Variants in SNTG1 observed in about 807,000 individuals in gnomAD.
SNTG1 encodes the protein syntrophin gamma 1.
Under a neutral mutation model 74.7 loss-of-function variants are expected in SNTG1, and 39 were observed. The ratio of observed to expected loss-of-function variants is 0.52; its 90% CI spans 0.40 to 0.68. The LOEUF (loss-of-function observed/expected upper bound fraction) is 0.68. Among genes scored for constraint, SNTG1 ranks in the 30% least tolerant of loss-of-function variants. The pLI, the probability that SNTG1 is intolerant of heterozygous loss-of-function variation, is 0.00. For missense variants in SNTG1, 685 were observed against 609.5 expected (o/e 1.12, Z -1.30); for synonymous variants, 254 against 217.1 (o/e 1.17, Z -1.49).
At chr8:50,783,214 G>A (rs1488821285) in intron 18 of SNTG1, among the ~76,000 whole-genome samples, 1 of 152,200 alleles carries the variant, frequency 6.6e-6, no homozygotes, top group Non-Finnish European at 1.5e-5. Context: ...GAGAACCACT[G>A]CTCTCTTCAA....
At chr8:50,729,375 G>C (rs1391577185) in intron 17 of SNTG1, among the ~76,000 whole-genome samples, 1 of 152,174 alleles carries the variant, frequency 6.6e-6, no homozygotes, top group Non-Finnish European at 1.5e-5. Context: ...AAGCAGATTT[G>C]CTGGAGATGG....
chr8:50,070,735 G>C (rs1365922250), intron 1 of SNTG1, among the ~76,000 whole-genome samples: 1 of 152,184 alleles, frequency 6.6e-6, no homozygotes, highest in African/African-American at 2.4e-5. Context: ...GAAAGTGAGT[G>C]GTTTAAAACA....
intron 8 of SNTG1, among the ~76,000 whole-genome samples, chr8:50,465,138 G>A (rs1424563491): frequency 6.6e-6 from 1 of 152,048 alleles, no homozygotes; most frequent in Non-Finnish European, 1.5e-5. Context: ...TTATACTGCT[G>A]TCTCTAACTC....
At chr8:50,283,969 G>A (rs959621316) in intron 2 of SNTG1, among the ~76,000 whole-genome samples, 3 of 152,002 alleles carry the variant, frequency 2.0e-5, no homozygotes, top group Non-Finnish European at 4.4e-5. Flanking sequence ...TAAATTGTTG[G>A]TACATTAGTA....
intron 13 of SNTG1, among the ~76,000 whole-genome samples, chr8:50,637,152 C>T (rs749259237): frequency 6.6e-6 from 1 of 152,110 alleles, no homozygotes; most frequent in Non-Finnish European, 1.5e-5. Flanking sequence ...ACATGTAGTA[C>T]CTTTGTTTAC....
chr8:50,159,520 A>G (rs1019503316), intron 1 of SNTG1, among the ~76,000 whole-genome samples: 5 of 152,178 alleles, frequency 3.3e-5, no homozygotes, highest in African/African-American at 1.2e-4. Context: ...GTGTTTTTCT[A>G]GTCTCTTTAC....
chr8:50,521,012 G>T (rs1207855502), intron 9 of SNTG1, among the ~76,000 whole-genome samples: 1 of 152,148 alleles, frequency 6.6e-6, no homozygotes, highest in Non-Finnish European at 1.5e-5. Flanking sequence ...GCAAAGACAT[G>T]CAACCAACCC....
intron 1 of SNTG1, among the ~76,000 whole-genome samples, chr8:49,948,743 G>T (rs999345108): frequency 6.6e-6 from 1 of 152,024 alleles, no homozygotes; most frequent in South Asian, 2.1e-4. Flanking sequence ...GCTCAGTTTC[G>T]GCAAAATTAG....
intron 3 of SNTG1, among the ~76,000 whole-genome samples, chr8:50,399,894 G>A (rs4263785): frequency 0.16 from 23,926 of 152,180 alleles, 2,339 homozygotes; most frequent in Middle Eastern, 0.26. Context: ...GAGCACTTGT[G>A]TGCTAATGCC....
chr8:50,560,719 G>A (rs1220646711), intron 12 of SNTG1, among the ~76,000 whole-genome samples: 1 of 152,114 alleles, frequency 6.6e-6, no homozygotes, highest in Non-Finnish European at 1.5e-5. Context: ...GCTGGTTGTT[G>A]TTGGAGGGGA....
chr8:50,518,041 A>G (rs2094148582), intron 9 of SNTG1, among the ~76,000 whole-genome samples: 2 of 152,140 alleles, frequency 1.3e-5, no homozygotes, highest in Non-Finnish European at 2.9e-5. Flanking sequence ...TCTAAAATTG[A>G]CCACACAATT....
chr8:50,605,877 C>T (rs1297067686), intron 13 of SNTG1, among the ~76,000 whole-genome samples: 1 of 152,110 alleles, frequency 6.6e-6, no homozygotes, highest in African/African-American at 2.4e-5. Context: ...AAAATAAAAA[C>T]ATCTGTCATA....
At chr8:50,113,147 C>T (rs1012095941) in intron 1 of SNTG1, among the ~76,000 whole-genome samples, 1 of 152,052 alleles carries the variant, frequency 6.6e-6, no homozygotes, top group Non-Finnish European at 1.5e-5. Flanking sequence ...AAAGTCATTG[C>T]TAGCTTGATG....
chr8:50,066,485 C>T (rs1820911261), intron 1 of SNTG1, among the ~76,000 whole-genome samples: 1 of 152,054 alleles, frequency 6.6e-6, no homozygotes. Flanking sequence ...AATAGTAATA[C>T]TTAGGATAAC....
At chr8:50,589,209 T>A (rs1354655411) in intron 12 of SNTG1, among the ~76,000 whole-genome samples, 1 of 152,144 alleles carries the variant, frequency 6.6e-6, no homozygotes, top group African/African-American at 2.4e-5. Context: ...CATTCACATA[T>A]CAGTTAATAA....
chr8:50,166,894 T>C (rs1466545650), intron 1 of SNTG1, among the ~76,000 whole-genome samples: 2 of 151,082 alleles, frequency 1.3e-5, no homozygotes, highest in Non-Finnish European at 2.9e-5. Context: ...ATTGATAGAC[T>C]GGATTAAGAA....
chr8:50,598,172 A>G (rs750934163), intron 13 of SNTG1, among the ~76,000 whole-genome samples: 27 of 151,778 alleles, frequency 1.8e-4, no homozygotes, highest in Non-Finnish European at 3.4e-4. Context: ...CAATTTCCCT[A>G]TGCTTTCTTC....
At chr8:50,617,209 A>T (rs144868870) in intron 13 of SNTG1, among the ~76,000 whole-genome samples, 3 of 152,288 alleles carry the variant, frequency 2.0e-5, no homozygotes, top group South Asian at 2.1e-4. Flanking sequence ...GACCTGCAAG[A>T]ATACAAGCTT....
chr8:49,984,294 C>T (rs1002891160), intron 1 of SNTG1, among the ~76,000 whole-genome samples: 1 of 152,048 alleles, frequency 6.6e-6, no homozygotes, highest in Non-Finnish European at 1.5e-5. Flanking sequence ...CATCTTCCGC[C>T]TCCCAGATTC....
Sources: allele counts gnomAD v4.1 joint callset (sites outside exome capture counted in the v4.1 genomes callset), GRCh38; gene constraint gnomAD v4.1.1; transcripts MANE v1.5; gene names NCBI Gene and HGNC (gene_info 2026-07-23, HGNC 2026-07-21).